The following CHN1 variants were observed in gnomAD, a reference collection of about 807,000 sequenced individuals.
CHN1 encodes the protein chimerin 1.
Under a neutral mutation model 59.5 loss-of-function variants are expected in CHN1, and 37 were observed. The observed-to-expected ratio is 0.62, with a 90% CI of 0.48 to 0.82. The LOEUF (loss-of-function observed/expected upper bound fraction) is 0.82, where lower values mean the gene tolerates loss of function less well. Among genes scored for constraint, CHN1 ranks in the 40% least tolerant of loss-of-function variants. The pLI is 0.00. For synonymous variants in CHN1, 206 were observed against 200.4 expected, an observed-to-expected ratio of 1.03 and a Z score of -0.24; for missense variants, 469 against 571.0, an observed-to-expected ratio of 0.82 and a Z score of 1.82.
chr2:174,888,777 C>G lies in CHN1; in HGVS notation c.261-10649G>C, dbSNP rs537252087. On this transcript the variant is annotated intron_variant, in intron 5 of 12. Coordinates refer to ENST00000409900, the MANE Select transcript of CHN1 (RefSeq NM_001822.7). ...GAGTGGAACATGCATGCAATGTTGG[C>G]TTTTTAGAGGGTTTCTTGAAGGATT... Among the ~76,000 whole-genome samples, 58 of 152,232 alleles carry G rather than the reference C, an allele frequency of 3.8e-4. No individual in the cohort carries two copies. In the South Asian group the frequency reaches 0.011, roughly 30 times the overall value.
At chr2:174,862,425 C>A (rs1017244985) in intron 6 of CHN1, among the ~76,000 whole-genome samples, 1 of 151,906 alleles carries the variant, frequency 6.6e-6, no homozygotes, top group African/African-American at 2.4e-5. Context: ...CTCCGCCTCC[C>A]GGGTTCAAGC....
In CHN1 at chr2:174,963,527, T is replaced by G. The variant is rs4644990; in HGVS notation, c.20-11325A>C. Among the ~76,000 whole-genome samples, 209 of 152,266 alleles carry G rather than the reference T, an allele frequency of 1.4e-3. 1 individual carries two copies. The highest frequency in any genetic ancestry group is 0.01 in the Middle Eastern group (3 of 294). On this transcript the variant is annotated intron_variant, in intron 1 of 12. Coordinates refer to ENST00000409900, the MANE Select transcript of CHN1 (RefSeq NM_001822.7). ...GAAAAAGAGGGCAGAAACAAGAAAGTTCAGTACATGTTTGAGGAACTGCAA... is the reference window on the plus strand; with the variant it reads ...GAAAAAGAGGGCAGAAACAAGAAAGGTCAGTACATGTTTGAGGAACTGCAA...
chr2:174,913,520 G>A (rs953336798), intron 5 of CHN1, among the ~76,000 whole-genome samples: 2 of 151,984 alleles, frequency 1.3e-5, no homozygotes, highest in African/African-American at 4.8e-5. Flanking sequence ...TATTTGAATT[G>A]CCATACCAGA....
intron 6 of CHN1, among the ~76,000 whole-genome samples, chr2:174,860,949 T>C (rs1687049967): frequency 6.6e-6 from 1 of 152,126 alleles, no homozygotes; most frequent in Admixed American, 6.5e-5. Flanking sequence ...GGTCCTTTTA[T>C]CAGAAATAAT....
intron 4 of CHN1, 48 bp from the exon 5 acceptor site, chr2:174,915,219 TA>T: frequency 7.5e-7 from 1 of 1,336,092 alleles, no homozygotes; most frequent in Non-Finnish European, 1.1e-6. Context: ...CATTTTTCAA[TA>T]AAACAAGATA....
chr2:174,975,016 G>C (rs953079303), intron 1 of CHN1, among the ~76,000 whole-genome samples: 1 of 151,574 alleles, frequency 6.6e-6, no homozygotes, highest in Admixed American at 6.6e-5. Context: ...GGAAAATAAT[G>C]TATGTATTTT....
chr2:174,818,429 G>A (rs1333725549), intron 8 of CHN1, among the ~76,000 whole-genome samples: 2 of 152,020 alleles, frequency 1.3e-5, no homozygotes, highest in Admixed American at 6.6e-5. Flanking sequence ...GGGACTAACG[G>A]TATATCAATA....
intron 7 of CHN1, among the ~76,000 whole-genome samples, chr2:174,836,068 T>C (rs1272239679): frequency 6.6e-6 from 1 of 152,178 alleles, no homozygotes; most frequent in Non-Finnish European, 1.5e-5. Context: ...CCCATACATT[T>C]GAGCTGCTTT....
chr2:174,823,459 C>T (rs1347012326), intron 8 of CHN1, among the ~76,000 whole-genome samples: 1 of 151,972 alleles, frequency 6.6e-6, no homozygotes, highest in East Asian at 1.9e-4. Flanking sequence ...GTCAGGAGAT[C>T]GAGACCATCC....
chr2:174,890,822 T>C (rs919797096), intron 5 of CHN1, among the ~76,000 whole-genome samples: 14 of 152,140 alleles, frequency 9.2e-5, no homozygotes, highest in Non-Finnish European at 1.6e-4. Flanking sequence ...GGTTAGATCA[T>C]GTGTTAGGCC....
chr2:174,823,692 T>G (rs1364668681), intron 8 of CHN1, among the ~76,000 whole-genome samples: 3 of 152,042 alleles, frequency 2.0e-5, no homozygotes, highest in African/African-American at 7.2e-5. Context: ...TTAAAGTAGT[T>G]TGGATAAATG....
intron 5 of CHN1, among the ~76,000 whole-genome samples, chr2:174,884,837 G>A (rs1230463472): frequency 6.6e-6 from 1 of 152,064 alleles, no homozygotes; most frequent in Non-Finnish European, 1.5e-5. Context: ...TTAAGAATCG[G>A]TTATTAGTTT....
At chr2:174,992,148 C>A (rs1330898515) in intron 1 of CHN1, among the ~76,000 whole-genome samples, 2 of 152,126 alleles carry the variant, frequency 1.3e-5, no homozygotes, top group Admixed American at 1.3e-4. Context: ...GAAAGCCATG[C>A]AAAGACCAGT....
intron 5 of CHN1, among the ~76,000 whole-genome samples, chr2:174,898,688 A>T (rs1275261725): frequency 6.6e-6 from 1 of 152,228 alleles, no homozygotes; most frequent in Non-Finnish European, 1.5e-5. Flanking sequence ...GCAAAGATAG[A>T]ATAATTTCAT....
intron 6 of CHN1, among the ~76,000 whole-genome samples, chr2:174,868,406 A>T (rs1687296824): frequency 6.6e-6 from 1 of 152,204 alleles, no homozygotes; most frequent in Non-Finnish European, 1.5e-5. Flanking sequence ...AACCATGCAG[A>T]GTTCTAAAGA....
At chr2:174,886,263 C>T (rs1687891301) in intron 5 of CHN1, among the ~76,000 whole-genome samples, 1 of 152,150 alleles carries the variant, frequency 6.6e-6, no homozygotes, top group African/African-American at 2.4e-5. Flanking sequence ...ATAAATTACA[C>T]CATCCTAAGT....
At chr2:174,876,535 A>C (rs1427703975) in intron 6 of CHN1, among the ~76,000 whole-genome samples, 1 of 152,226 alleles carries the variant, frequency 6.6e-6, no homozygotes, top group African/African-American at 2.4e-5. Context: ...GGCTACTTCC[A>C]AACAAGATTT....
chr2:174,980,068 A>G (rs997479028), intron 1 of CHN1, among the ~76,000 whole-genome samples: 4 of 152,176 alleles, frequency 2.6e-5, no homozygotes, highest in Non-Finnish European at 5.9e-5. Context: ...TGTAAAATAA[A>G]TAACTACAAC....
intron 1 of CHN1, among the ~76,000 whole-genome samples, chr2:174,992,445 A>G (rs995450200): frequency 1.3e-5 from 2 of 152,248 alleles, no homozygotes; most frequent in African/African-American, 4.8e-5. Flanking sequence ...AAGCATAGGA[A>G]AGGGAGGAAA....
Sources: allele counts gnomAD v4.1 joint callset (sites outside exome capture counted in the v4.1 genomes callset), GRCh38; gene constraint gnomAD v4.1.1; transcripts MANE v1.5; gene names NCBI Gene and HGNC (gene_info 2026-07-23, HGNC 2026-07-21).